SIGLEC10: variants seen among roughly 807,000 people sequenced by gnomAD.
SIGLEC10 encodes the protein sialic acid-binding Ig-like lectin 10.
Under a neutral mutation model 68.3 loss-of-function variants are expected in SIGLEC10, and 45 were observed. The ratio of observed to expected loss-of-function variants is 0.66; its 90% CI spans 0.52 to 0.84. SIGLEC10 has a LOEUF of 0.84. Ranked by LOEUF, SIGLEC10 falls within the 40% of genes least tolerant of loss-of-function variation. SIGLEC10 has a pLI of 0.00. For missense variants in SIGLEC10, 789 were observed against 883.1 expected, an observed-to-expected ratio of 0.89 and a Z score of 1.35; for synonymous variants, 379 against 370.8, an observed-to-expected ratio of 1.02 and a Z score of -0.26.
Position 51,411,298 on chromosome 19 carries a change from T to C in SIGLEC10, c.1895A>G (p.Glu632Gly), listed in dbSNP as rs1987983041. The change falls in exon 11 of 11, where the codon GAA becomes GGA. Residue 632 changes from glutamate (E) to glycine (G), a missense_variant. Glu to Gly is a moderately conservative substitution (Grantham distance 98). Coordinates refer to ENST00000339313, the MANE Select transcript of SIGLEC10 (RefSeq NM_033130.5). Reference sequence around the variant, plus strand: ...CTGCTTTTTCTGGTTCTTCTTTGATTCTGGGGAGGGAGCACCTGGTGGAAG... The same window carrying C: ...CTGCTTTTTCTGGTTCTTCTTTGATCCTGGGGAGGGAGCACCTGGTGGAAG... ...TPLPPGAPSP[E>G]SKKNQKKQYQ... The C allele has an allele frequency of 1.2e-6, 2 of 1,614,064 alleles. No individual in the cohort carries two copies. The highest frequency in any genetic ancestry group is 1.3e-5 in the African/African-American group (1 of 74,926).
rs901856193 is a variant in SIGLEC10 at position 51,417,449 on chromosome 19, A to G, written c.54T>C (p.Asp18=). The G allele has an allele frequency of 6.2e-7, 1 of 1,613,678 alleles. No homozygotes were observed. The highest frequency in any genetic ancestry group is 1.3e-5 in the African/African-American group (1 of 74,936). Residue 18 remains aspartate, a synonymous_variant, in exon 2 of 11, where the codon GAT becomes GAC. Coordinates refer to ENST00000339313, the MANE Select transcript of SIGLEC10 (RefSeq NM_033130.5). ...SSLLGGSQAM[D]GRFWIRVQES... is the part of the protein sequence containing the mutation. ...CCTGCACTCGTATCCAGAATCTCCC[A>G]TCCATAGCCTGGGACCCTGTGGGGA...
Position 51,414,482 on chromosome 19 carries a change from T to C in SIGLEC10, c.1649A>G (p.Asn550Ser), listed in dbSNP as rs1988358369. 6.2e-7 allele frequency: 1 copy of C among 1,613,960 alleles called. No homozygotes were observed. Among genetic ancestry groups the C allele is most frequent in the Non-Finnish European group, 8.5e-7 (1 of 1,179,980 alleles). Residue 550 changes from asparagine (N) to serine (S), a missense_variant, in exon 9 of 11, where the codon AAC (asparagine) becomes AGC (serine). By Grantham distance (46) the Asn-to-Ser change is conservative. Coordinates refer to ENST00000339313, the MANE Select transcript of SIGLEC10 (RefSeq NM_033130.5). The surrounding 1 kb of genome is among the most constrained non-coding windows in gnomAD (Gnocchi z 4.1). ...KKGLISTAFS[N>S]GAFLGIGITA... is the part of the protein sequence containing the mutation. ...GATGCCGATTCCCAGAAACGCTCCGTTGGAGAATGCCGTTGAGATGAGTCC... is the reference window on the plus strand; with the variant it reads ...GATGCCGATTCCCAGAAACGCTCCGCTGGAGAATGCCGTTGAGATGAGTCC...
In SIGLEC10 at chr19:51,411,968, C is replaced by A. The variant is rs188824124; in HGVS notation, c.1822-597G>T. Among the ~76,000 whole-genome samples, 17 of 152,000 alleles carry A rather than the reference C, an allele frequency of 1.1e-4. 1 individual carries two copies. In the East Asian group the frequency reaches 3.3e-3, roughly 29 times the overall value. On this transcript the variant is annotated intron_variant, in intron 10 of 10. Transcript: ENST00000339313. ...GACCAGCCTGATCAACATGGTGAAA[C>A]CCCGTCTCTACTAAAAATACAAAAA... is the stretch of plus-strand genomic sequence containing the variant.
At position 51,415,335 on chromosome 19, in the gene SIGLEC10, C is replaced by G. The variant is rs777491165; in HGVS notation, c.1176G>C (p.Trp392Cys). 1 of 1,613,616 alleles carries G rather than the reference C, an allele frequency of 6.2e-7. No homozygotes were observed. The highest frequency in any genetic ancestry group is 1.1e-5 in the South Asian group (1 of 91,024). Reference sequence around the variant, plus strand: ...GGCTCAGAACCTGTCCCCTCTGGGTCCAGCTCAGCCTGGCTGGGGGGCTGC... The same window carrying G: ...GGCTCAGAACCTGTCCCCTCTGGGTGCAGCTCAGCCTGGCTGGGGGGCTGC... ...THSSPPARLS[W>C]TQRGQVLSPS... Residue 392 changes from tryptophan to cysteine, a missense_variant, in exon 7 of 11, where the codon TGG becomes TGC. Physicochemically the swap from Trp to Cys is radical, Grantham distance 215. Coordinates refer to ENST00000339313, the MANE Select transcript of SIGLEC10 (RefSeq NM_033130.5).
intron 9 of SIGLEC10, 113 bp from the exon 10 acceptor site, chr19:51,413,936 C>G (rs1320775425): frequency 1.3e-6 from 1 of 759,310 alleles, no homozygotes; most frequent in Non-Finnish European, 2.3e-6. Context: ...CACTTGAGAC[C>G]GTCATTATGA....
Position 51,414,810 on chromosome 19 carries a change from G to C in SIGLEC10, c.1615+14C>G, listed in dbSNP as rs758238579. 4.3e-6 allele frequency: 7 copies of C among 1,611,730 alleles called. No homozygotes were observed. The highest frequency in any genetic ancestry group is 1.3e-5 in the African/African-American group (1 of 74,842). On this transcript the variant is annotated intron_variant, in intron 8 of 10. Coordinates refer to ENST00000339313, the MANE Select transcript of SIGLEC10 (RefSeq NM_033130.5). This position sits in a 1 kb window ranked among gnomAD's most constrained non-coding sequence, Gnocchi z 4.1. ...TCTCCTCCAAGAACCTTGGCATCCAGGCGGCCCCCTAACCTGGCAGCTGCA... is the reference window on the plus strand; with the variant it reads ...TCTCCTCCAAGAACCTTGGCATCCACGCGGCCCCCTAACCTGGCAGCTGCA...
chr19:51,412,113 G>C (rs1988069299), intron 10 of SIGLEC10, among the ~76,000 whole-genome samples: 1 of 152,074 alleles, frequency 6.6e-6, no homozygotes, highest in Non-Finnish European at 1.5e-5. Flanking sequence ...CTGCACTCCA[G>C]CCTAGACAAC....
chr19:51,415,697 G>C, intron 5 of SIGLEC10, 82 bp from the exon 6 acceptor site: 13 of 1,607,558 alleles, frequency 8.1e-6, no homozygotes, highest in Non-Finnish European at 1.1e-5. Context: ...ACACTGAGGT[G>C]GGGGAAGTGG....
At chr19:51,412,761 C>A (rs1016787407) in intron 10 of SIGLEC10, among the ~76,000 whole-genome samples, 1 of 151,384 alleles carries the variant, frequency 6.6e-6, no homozygotes, top group Admixed American at 6.6e-5. Flanking sequence ...CAGGTGTGAG[C>A]CAGCAGGCGT....
rs376932752 is a variant in SIGLEC10 at position 51,411,041 on chromosome 19, A to G, written c.*58T>C. 6.4e-6 allele frequency: 10 copies of G among 1,555,532 alleles called. No homozygotes were observed. Among genetic ancestry groups the G allele is most frequent in the East Asian group, 2.3e-5 (1 of 44,340 alleles). On this transcript the variant is annotated 3_prime_UTR_variant, in exon 11 of 11. Transcript: ENST00000339313. ...GAAACTTTGCACTCTGTTATCTTCA[A>G]CCTCTTACTCTACCTTCCTCCCTAG...
rs1988771232 is a variant in SIGLEC10 at position 51,417,094 on chromosome 19, G to C, written c.409C>G (p.Leu137Val). ...CCCCATTCCATACCTGTTACTTTTAGAAAGAACCCATCGTTCATGAAATTA... is the reference window on the plus strand; with the variant it reads ...CCCCATTCCATACCTGTTACTTTTACAAAGAACCCATCGTTCATGAAATTA... ...RYNFMNDGFFLKVTALTQKPD... is the reference protein window; with the variant it reads ...RYNFMNDGFFVKVTALTQKPD... Residue 137 changes from leucine (L) to valine (V), a missense_variant, in exon 2 of 11, where the codon CTA becomes GTA. Physicochemically the swap from Leu to Val is conservative, Grantham distance 32 (BLOSUM62 1). Transcript: ENST00000339313. 1 of 1,614,030 alleles carries C rather than the reference G, an allele frequency of 6.2e-7. No individual in the cohort carries two copies. Among genetic ancestry groups the C allele is most frequent in the Non-Finnish European group, 8.5e-7 (1 of 1,179,898 alleles).
Position 51,413,805 on chromosome 19 carries a change from C to T in SIGLEC10, c.1728G>A (p.Lys576=), listed in dbSNP as rs143937870. 2 of 1,614,028 alleles carry T rather than the reference C, an allele frequency of 1.2e-6. No individual in the cohort carries two copies. The highest frequency in any genetic ancestry group is 1.3e-5 in the African/African-American group (1 of 74,906). ...TCGGGGTTTCTGTCTGAGTCCGTCTCTTCGGTAGAATCTTCATGCTGAGGA... is the reference window on the plus strand; with the variant it reads ...TCGGGGTTTCTGTCTGAGTCCGTCTTTTCGGTAGAATCTTCATGCTGAGGA... ...LALIIMKILP[K]RRTQTETPRP... Residue 576 remains lysine, a synonymous_variant, in exon 10 of 11, where the codon AAG becomes AAA. Transcript: ENST00000339313.
In SIGLEC10 at chr19:51,415,957, G is replaced by A. The variant is rs774203466; in HGVS notation, c.965C>T (p.Thr322Ile). The stretch of plus-strand genomic sequence containing the variant: ...GCCAAGCCTGTTCTCCGCTCGGCAG[G>A]TGTAGCGCCCTGAATCCCCAGCCTT... Reference protein sequence around the residue: ...GVKAGDSGRYTCRAENRLGSQ... With the variant: ...GVKAGDSGRYICRAENRLGSQ... Residue 322 changes from threonine to isoleucine, a missense_variant, in exon 5 of 11, where the codon ACC becomes ATC. Transcript: ENST00000339313. 4 of 1,613,538 alleles carry A rather than the reference G, an allele frequency of 2.5e-6. No homozygotes were observed. Among genetic ancestry groups the A allele is most frequent in the Non-Finnish European group, 3.4e-6 (4 of 1,180,022 alleles).
intron 3 of SIGLEC10, 38 bp from the exon 4 acceptor site, chr19:51,416,395 A>G (rs1386424346): frequency 1.9e-6 from 3 of 1,613,972 alleles, no homozygotes; most frequent in Admixed American, 1.7e-5. Flanking sequence ...GGGAGGGACA[A>G]TTTATTCCTC....
Position 51,414,521 on chromosome 19 carries a change from C to T in SIGLEC10, c.1616-6G>A, listed in dbSNP as rs746682741. Reference sequence around the variant, plus strand: ...TGAGATGAGTCCCTTCTTATCTGCACACGGAGAGGGCAAGGTGAGCATTTC... The same window carrying T: ...TGAGATGAGTCCCTTCTTATCTGCATACGGAGAGGGCAAGGTGAGCATTTC... On this transcript the variant is annotated splice_region_variant and splice_polypyrimidine_tract_variant and intron_variant, in intron 8 of 10. Coordinates refer to ENST00000339313, the MANE Select transcript of SIGLEC10 (RefSeq NM_033130.5). The surrounding 1 kb of genome is among the most constrained non-coding windows in gnomAD (Gnocchi z 4.1). The T allele has an allele frequency of 2.5e-6, 4 of 1,613,220 alleles. 1 individual carries two copies. In the South Asian group the frequency reaches 3.3e-5, roughly 13 times the overall value.
intron 10 of SIGLEC10, among the ~76,000 whole-genome samples, chr19:51,412,860 C>T (rs146977014): frequency 0.011 from 1,718 of 151,614 alleles, 25 homozygotes; most frequent in African/African-American, 0.04. Context: ...CTCCAACTCC[C>T]AGGCTCAAGA....
rs75892481 is a variant in SIGLEC10 at position 51,414,611 on chromosome 19, G to A, written c.1616-96C>T. On this transcript the variant is annotated intron_variant, in intron 8 of 10. Coordinates refer to ENST00000339313, the MANE Select transcript of SIGLEC10 (RefSeq NM_033130.5). This position sits in a 1 kb window ranked among gnomAD's most constrained non-coding sequence, Gnocchi z 4.1. ...CATTAAGGCTTCCGGTTCCCATGGCGGACATTGTATCTGCAACCCCTCTGT... is the reference window on the plus strand; with the variant it reads ...CATTAAGGCTTCCGGTTCCCATGGCAGACATTGTATCTGCAACCCCTCTGT... The A allele has an allele frequency of 6.4e-6, 9 of 1,407,378 alleles. No individual in the cohort carries two copies. Among genetic ancestry groups the A allele is most frequent in the East Asian group, 4.7e-5 (2 of 42,578 alleles). 87.2% of individuals were successfully genotyped at this position (1,407,378 alleles called of 1,614,324 possible).
rs141026130 is a variant in SIGLEC10 at position 51,414,963 on chromosome 19, G to A, written c.1476C>T (p.Phe492=). 2.3e-5 allele frequency: 37 copies of A among 1,613,650 alleles called. No homozygotes were observed. Among genetic ancestry groups the A allele is most frequent in the African/African-American group, 1.5e-4 (11 of 74,928 alleles). The part of the protein sequence containing the change: ...LLEGNSSQDS[F]EVTPSSAGPW... ...GCCCGGCTGAGCTGGGGGTGACCTCGAAGGAGTCCTGGCTGCTGTTCCCCT... is the reference window on the plus strand; with the variant it reads ...GCCCGGCTGAGCTGGGGGTGACCTCAAAGGAGTCCTGGCTGCTGTTCCCCT... The change falls in exon 8 of 11, where the codon TTC becomes TTT. Residue 492 remains phenylalanine, a synonymous_variant. Transcript: ENST00000339313. The surrounding 1 kb of genome is among the most constrained non-coding windows in gnomAD (Gnocchi z 4.1).
At position 51,414,823 on chromosome 19, in the gene SIGLEC10, C is replaced by T. The variant is rs747647572; in HGVS notation, c.1615+1G>A. ...CCTTGGCATCCAGGCGGCCCCCTAA[C>T]CTGGCAGCTGCAGGATGGATCCACT... On this transcript the variant is annotated splice_donor_variant, in intron 8 of 10. Transcript: ENST00000339313. LOFTEE classifies it high-confidence loss of function. The surrounding 1 kb of genome is among the most constrained non-coding windows in gnomAD (Gnocchi z 4.1). 1.2e-6 allele frequency: 2 copies of T among 1,613,064 alleles called. No individual in the cohort carries two copies. Among genetic ancestry groups the T allele is most frequent in the Non-Finnish European group, 1.7e-6 (2 of 1,179,722 alleles).
Sources: allele counts gnomAD v4.1 joint callset (sites outside exome capture counted in the v4.1 genomes callset), GRCh38; gene constraint gnomAD v4.1.1; non-coding constraint Gnocchi (gnomAD v3.1); transcripts MANE v1.5; gene names NCBI Gene and HGNC (gene_info 2026-07-23, HGNC 2026-07-21).